Variants in GPR63 observed in about 807,000 individuals in gnomAD.
GPR63 encodes the protein probable G protein-coupled receptor 63.
GPR63 carries 12 observed loss-of-function variants against 23.1 expected under a neutral mutation model. The observed-to-expected ratio is 0.52, with a 90% CI of 0.33 to 0.84. The LOEUF (loss-of-function observed/expected upper bound fraction) is 0.84, where lower values mean the gene tolerates loss of function less well. Ranked by LOEUF, GPR63 falls within the 40% of genes least tolerant of loss-of-function variation. The pLI, the probability that GPR63 is intolerant of heterozygous loss-of-function variation, is 0.02. For missense variants in GPR63, 472 were observed against 515.6 expected (o/e 0.92, Z 0.82); for synonymous variants, 172 against 191.1 (o/e 0.90, Z 0.82).
chr6:96,804,977 T>C (rs1216239683), intron 1 of GPR63, among the ~76,000 whole-genome samples: 1 of 152,216 alleles, frequency 6.6e-6, no homozygotes, highest in Non-Finnish European at 1.5e-5. Flanking sequence ...CTCCATTTTT[T>C]TGTTTGTTTT....
chr6:96,808,181 A>AT (rs1028449633), intron 1 of GPR63, among the ~76,000 whole-genome samples: 9 of 152,130 alleles, frequency 5.9e-5, no homozygotes, highest in African/African-American at 1.7e-4. Context: ...TTATATCTAT[A>AT]TTTTTTTACC....
intron 1 of GPR63, among the ~76,000 whole-genome samples, chr6:96,818,665 A>G (rs1467914045): frequency 1.3e-5 from 2 of 152,178 alleles, no homozygotes; most frequent in African/African-American, 2.4e-5. Flanking sequence ...ATATGTTCCC[A>G]CTATGTTTTG....
In GPR63 at chr6:96,821,921, C is replaced by T. The variant is rs961199492; in HGVS notation, c.-151+15347G>A. Among the ~76,000 whole-genome samples the T allele has an allele frequency of 2.0e-5, 3 of 152,052 alleles. 1 individual carries two copies. The highest frequency in any genetic ancestry group is 4.4e-5 in the Non-Finnish European group (3 of 67,986). ...ACCACCCTACCTCTCCCCCATCAAC[C>T]AGGTACCTCGTTTCCAAGGATATAA... is the stretch of plus-strand genomic sequence containing the variant. On this transcript the variant is annotated intron_variant, in intron 1 of 1. Transcript: ENST00000229955.
At chr6:96,805,777 T>G (rs1773880772) in intron 1 of GPR63, among the ~76,000 whole-genome samples, 1 of 152,208 alleles carries the variant, frequency 6.6e-6, no homozygotes, top group African/African-American at 2.4e-5. Context: ...ATTTCATTCC[T>G]GCAGAGATTG....
At chr6:96,827,864 T>C (rs1330629) in intron 1 of GPR63, among the ~76,000 whole-genome samples, 41,245 of 151,702 alleles carry the variant, frequency 0.27, 5,650 homozygotes, top group South Asian at 0.31. Flanking sequence ...TAAAGGAAAA[T>C]TAAAGGATAT....
chr6:96,810,733 T>C (rs1046832760), intron 1 of GPR63, among the ~76,000 whole-genome samples: 2 of 152,190 alleles, frequency 1.3e-5, no homozygotes, highest in East Asian at 1.9e-4. Context: ...TTTGTGCATA[T>C]GTACATAGGT....
Position 96,805,121 on chromosome 6 carries a change from T to G in GPR63, c.-150-5240A>C, listed in dbSNP as rs1294847279. On this transcript the variant is annotated intron_variant, in intron 1 of 1. Transcript: ENST00000229955. ...ACACACACACACATACATTCTTTTT[T>G]CCCAAAGGATGAGGCTGTGCAATTT... Among the ~76,000 whole-genome samples, 3 of 152,114 alleles carry G rather than the reference T, an allele frequency of 2.0e-5. No individual in the cohort carries two copies. The East Asian group carries it at 5.8e-4, about 29-fold the overall frequency.
At chr6:96,818,753 G>T (rs1056490831) in intron 1 of GPR63, among the ~76,000 whole-genome samples, 1 of 151,998 alleles carries the variant, frequency 6.6e-6, no homozygotes, top group African/African-American at 2.4e-5. Flanking sequence ...CCCAAGAATG[G>T]GAGAAAATTT....
intron 1 of GPR63, among the ~76,000 whole-genome samples, chr6:96,830,118 T>A (rs1274875578): frequency 6.6e-6 from 1 of 152,052 alleles, no homozygotes; most frequent in Admixed American, 6.6e-5. Context: ...ACAAAGAGGG[T>A]TGATAAAGCA....
At chr6:96,826,580 C>T (rs1402519855) in intron 1 of GPR63, among the ~76,000 whole-genome samples, 2 of 152,084 alleles carry the variant, frequency 1.3e-5, no homozygotes, top group African/African-American at 2.4e-5. Flanking sequence ...ACCTGAATAA[C>T]AAACATATTC....
intron 1 of GPR63, among the ~76,000 whole-genome samples, chr6:96,836,999 G>C (rs866806827): frequency 1.3e-5 from 2 of 152,042 alleles, no homozygotes; most frequent in African/African-American, 2.4e-5. Context: ...GGGCAGGGGA[G>C]GGGGGCGGGC....
chr6:96,816,154 A>T (rs1774158389), intron 1 of GPR63, among the ~76,000 whole-genome samples: 1 of 152,258 alleles, frequency 6.6e-6, no homozygotes, highest in Non-Finnish European at 1.5e-5. Flanking sequence ...ATAATAATGT[A>T]TATTAGCAAG....
intron 1 of GPR63, among the ~76,000 whole-genome samples, chr6:96,803,626 TATA>T (rs1375991928): frequency 6.6e-6 from 1 of 152,196 alleles, no homozygotes; most frequent in East Asian, 1.9e-4. Context: ...TCTTATGAAG[TATA>T]ATAACCAAAG....
chr6:96,832,893 G>A (rs1015499088), intron 1 of GPR63, among the ~76,000 whole-genome samples: 3 of 152,104 alleles, frequency 2.0e-5, no homozygotes, highest in African/African-American at 4.8e-5. Flanking sequence ...GTAAGTGGGT[G>A]CAAATTTATC....
chr6:96,809,984 A>C (rs1773999818), intron 1 of GPR63, among the ~76,000 whole-genome samples: 1 of 152,222 alleles, frequency 6.6e-6, no homozygotes, highest in Non-Finnish European at 1.5e-5. Context: ...TATGTTATGC[A>C]ATCAATATCT....
chr6:96,825,501 G>C (rs1205349274), intron 1 of GPR63, among the ~76,000 whole-genome samples: 1 of 151,926 alleles, frequency 6.6e-6, no homozygotes, highest in South Asian at 2.1e-4. Context: ...AAAAAAAATA[G>C]CTACTAGAGG....
chr6:96,799,483 G>A lies in GPR63; in HGVS notation c.249C>T (p.Thr83=). The A allele has an allele frequency of 6.2e-7, 1 of 1,614,128 alleles. No homozygotes were observed. Among genetic ancestry groups the A allele is most frequent in the Non-Finnish European group, 8.5e-7 (1 of 1,180,036 alleles). Residue 83 remains threonine (T), a synonymous_variant, in exon 2 of 2, where the codon ACC becomes ACT. Transcript: ENST00000229955. ...GAATGAATATCATTATAGCAGAAAG[G>A]GTGATCTGAAGAGGCAAGTTTAGGC... ...FKSLNLPLQI[T]LSAIMIFILF...
intron 1 of GPR63, among the ~76,000 whole-genome samples, chr6:96,822,596 C>T (rs986043636): frequency 6.6e-6 from 1 of 152,180 alleles, no homozygotes; most frequent in Non-Finnish European, 1.5e-5. Flanking sequence ...ATATACTTTT[C>T]AACTTGACTT....
At chr6:96,810,742 G>T (rs1415780769) in intron 1 of GPR63, among the ~76,000 whole-genome samples, 1 of 152,142 alleles carries the variant, frequency 6.6e-6, no homozygotes. Context: ...ATGTACATAG[G>T]TATAGACAAA....
Sources: gnomAD v4.1 joint callset for allele counts (sites outside exome capture counted in the v4.1 genomes callset) on GRCh38, gnomAD v4.1.1 for gene constraint, MANE v1.5 for transcripts, NCBI Gene and HGNC (gene_info 2026-07-23, HGNC 2026-07-21) for gene names.